The following FAM222B variants were observed in gnomAD, a reference collection of about 807,000 sequenced individuals.
FAM222B encodes the protein protein FAM222B.
A neutral mutation model predicts 38.0 loss-of-function variants in FAM222B; 12 were observed. The ratio of observed to expected loss-of-function variants is 0.32; its 90% CI spans 0.20 to 0.51. FAM222B has a LOEUF of 0.51. FAM222B is among the 20% of genes least tolerant of loss of function. FAM222B has a pLI of 0.97. For missense variants in FAM222B, 716 were observed against 754.2 expected, an observed-to-expected ratio of 0.95 and a Z score of 0.59; for synonymous variants, 329 against 317.2, an observed-to-expected ratio of 1.04 and a Z score of -0.40.
At chr17:28,792,268 C>T (rs564150729) in intron 1 of FAM222B, among the ~76,000 whole-genome samples, 1 of 148,988 alleles carries the variant, frequency 6.7e-6, no homozygotes, top group African/African-American at 2.5e-5. Flanking sequence ...GCCGAGATTG[C>T]GCCACTGCAC....
intron 1 of FAM222B, among the ~76,000 whole-genome samples, chr17:28,775,983 CGA>C (rs1567814555): frequency 6.9e-6 from 1 of 144,332 alleles, no homozygotes; most frequent in African/African-American, 2.6e-5. Flanking sequence ...GGCTGAGGCA[CGA>C]GAGTCGTTTG....
chr17:28,763,447 T>TGTAA (rs1328895593), intron 2 of FAM222B, among the ~76,000 whole-genome samples: 1 of 152,266 alleles, frequency 6.6e-6, no homozygotes, highest in Non-Finnish European at 1.5e-5. Flanking sequence ...GAGAGTTAAA[T>TGTAA]GTAACAGAAA....
upstream of FAM222B, among the ~76,000 whole-genome samples, chr17:28,847,451 G>T (rs968526263): frequency 2.0e-5 from 3 of 151,598 alleles, no homozygotes; most frequent in African/African-American, 7.3e-5. Flanking sequence ...AAAATTAGCC[G>T]GGCATTGTGG....
intron 1 of FAM222B, chr17:28,790,429 T>C (rs1196919277): frequency 6.6e-6 from 1 of 152,204 alleles, no homozygotes; most frequent in Non-Finnish European, 1.5e-5. Flanking sequence ...GATATTCCTG[T>C]TGAAGATATG....
chr17:28,800,877 T>C (rs1597960945), intron 1 of FAM222B, among the ~76,000 whole-genome samples: 2 of 142,900 alleles, frequency 1.4e-5, no homozygotes, highest in East Asian at 2.0e-4. Flanking sequence ...AAAAAAAAGT[T>C]GGCCAGGCGC....
Position 28,758,802 on chromosome 17 carries a change from G to C in FAM222B, c.1157C>G (p.Pro386Arg). ...MCSEASGTPA[P>R]GLTGKHAAGR... ...TGCCGCATGCTTGCCTGTCAGGCCA[G>C]GGGCTGGCGTCCCACTAGCCTCGCT... Residue 386 changes from proline (P) to arginine (R), a missense_variant, in exon 3 of 3, where the codon CCT becomes CGT. Coordinates refer to ENST00000581407, the MANE Select transcript of FAM222B (RefSeq NM_001077498.3). 6.3e-7 allele frequency: 1 copy of C among 1,579,742 alleles called. No homozygotes were observed. Among genetic ancestry groups the C allele is most frequent in the Non-Finnish European group, 8.6e-7 (1 of 1,162,094 alleles).
chr17:28,837,649 T>G (rs1184858307), intron 1 of FAM222B, among the ~76,000 whole-genome samples: 1 of 151,558 alleles, frequency 6.6e-6, no homozygotes, highest in South Asian at 2.1e-4. Context: ...TCTTTTTGTT[T>G]TTTTTTTTTT....
At chr17:28,807,068 T>C (rs1266386626) in intron 1 of FAM222B, among the ~76,000 whole-genome samples, 1 of 151,672 alleles carries the variant, frequency 6.6e-6, no homozygotes, top group African/African-American at 2.4e-5. Flanking sequence ...CAGGCTGGAG[T>C]GCAATGGCAC....
Position 28,758,111 on chromosome 17 carries a change from C to T in FAM222B, c.*159G>A. On this transcript the variant is annotated 3_prime_UTR_variant, in exon 3 of 3. Transcript: ENST00000581407. Reference sequence around the variant, plus strand: ...TTGCTGGAGGGGAGGACGAGAGGACCCCTTCTGTCCCCACTTAGATCCCAC... The same window carrying T: ...TTGCTGGAGGGGAGGACGAGAGGACTCCTTCTGTCCCCACTTAGATCCCAC... 3.2e-6 allele frequency: 2 copies of T among 630,262 alleles called. No homozygotes were observed. The highest frequency in any genetic ancestry group is 2.6e-6 in the Non-Finnish European group (1 of 387,808). 39.0% of individuals were successfully genotyped at this position (630,262 alleles called of 1,614,324 possible).
chr17:28,846,782 G>A (rs982150235), upstream of FAM222B, among the ~76,000 whole-genome samples: 5 of 151,950 alleles, frequency 3.3e-5, no homozygotes, highest in East Asian at 1.9e-4. Context: ...TCAACCATCC[G>A]AAGAACAAAA....
chr17:28,818,667 A>G (rs1486189296), intron 1 of FAM222B, among the ~76,000 whole-genome samples: 1 of 152,200 alleles, frequency 6.6e-6, no homozygotes, highest in Non-Finnish European at 1.5e-5. Context: ...CTTGTATGGT[A>G]TATTTTTCCC....
intron 1 of FAM222B, among the ~76,000 whole-genome samples, chr17:28,837,848 T>C (rs2038901852): frequency 6.6e-6 from 1 of 152,160 alleles, no homozygotes; most frequent in Non-Finnish European, 1.5e-5. Flanking sequence ...AGACGGGGTT[T>C]CACTTTGTTT....
upstream of FAM222B, among the ~76,000 whole-genome samples, chr17:28,847,367 G>A (rs959388168): frequency 6.6e-6 from 1 of 151,856 alleles, no homozygotes; most frequent in African/African-American, 2.4e-5. Context: ...GGCTGAGGCA[G>A]GCGGATCACG....
intron 2 of FAM222B, among the ~76,000 whole-genome samples, chr17:28,764,992 T>C (rs1375461093): frequency 1.3e-5 from 2 of 152,222 alleles, no homozygotes; most frequent in Non-Finnish European, 2.9e-5. Context: ...GTTAGGATGC[T>C]GATTTGGATG....
intron 1 of FAM222B, among the ~76,000 whole-genome samples, chr17:28,822,593 T>C (rs911538836): frequency 2.0e-5 from 3 of 149,240 alleles, no homozygotes; most frequent in African/African-American, 7.4e-5. Context: ...ACCATTGCAC[T>C]CCAGCCTGGG....
intron 1 of FAM222B, among the ~76,000 whole-genome samples, chr17:28,768,538 GA>G (rs898866046): frequency 2.2e-4 from 32 of 144,080 alleles, no homozygotes; most frequent in Admixed American, 1.4e-4. Flanking sequence ...AGTGCCTCAA[GA>G]AAAAAAAAAA....
chr17:28,784,491 TAAAAAAAAAAAAAAAAAA>T (rs559624246), intron 1 of FAM222B, among the ~76,000 whole-genome samples: 522 of 36,050 alleles, frequency 0.014, 35 homozygotes, highest in Admixed American at 0.1. Flanking sequence ...TCCCCTCTCT[TAAAAAAAAAAAAAAAAAA>T]AAAAAAAAAA....
intron 1 of FAM222B, among the ~76,000 whole-genome samples, chr17:28,806,283 C>T (rs1272872898): frequency 6.6e-6 from 1 of 151,844 alleles, no homozygotes; most frequent in Non-Finnish European, 1.5e-5. Context: ...TTGTTTTTTC[C>T]ACTTTTTGGT....
intron 1 of FAM222B, among the ~76,000 whole-genome samples, chr17:28,774,486 C>T (rs1350778354): frequency 6.6e-6 from 1 of 152,144 alleles, no homozygotes; most frequent in African/African-American, 2.4e-5. Context: ...CAGAACTAAG[C>T]TTTTCCAACT....
Sources: allele counts gnomAD v4.1 joint callset (sites outside exome capture counted in the v4.1 genomes callset), GRCh38; gene constraint gnomAD v4.1.1; transcripts MANE v1.5; gene names NCBI Gene and HGNC (gene_info 2026-07-23, HGNC 2026-07-21).